PHF20: variants seen among roughly 807,000 people sequenced by gnomAD.
PHF20 encodes the protein glioma-expressed antigen 2.
PHF20 carries 23 observed loss-of-function variants against 113.5 expected under a neutral mutation model. That is an observed-to-expected ratio of 0.20 (90% confidence interval 0.15 to 0.29). The LOEUF (loss-of-function observed/expected upper bound fraction) is 0.29. Ranked by LOEUF, PHF20 falls within the 10% of genes least tolerant of loss-of-function variation. PHF20 has a pLI of 1.00. For synonymous variants in PHF20, 434 were observed against 457.3 expected, an observed-to-expected ratio of 0.95 and a Z score of 0.65; for missense variants, 943 against 1,219.6, an observed-to-expected ratio of 0.77 and a Z score of 3.38.
chr20:35,887,184 A>G (rs1276487004), intron 9 of PHF20, among the ~76,000 whole-genome samples: 2 of 152,228 alleles, frequency 1.3e-5, no homozygotes, highest in East Asian at 3.8e-4. Flanking sequence ...TAAAAGGAAA[A>G]GTATAAAACA....
intron 3 of PHF20, among the ~76,000 whole-genome samples, chr20:35,842,963 C>G (rs1004935854): frequency 5.3e-5 from 8 of 152,122 alleles, no homozygotes; most frequent in African/African-American, 1.9e-4. Context: ...GGCTGGAGTG[C>G]AGTGGTGCAG....
rs182538547 is a variant in PHF20 at position 35,912,395 on chromosome 20, A to G, written c.1562-854A>G. ...AAACTGTGAAGGGAGAAGTTTGGAC[A>G]GGGAGGATTGACATCTTAAGGAGTT... On this transcript the variant is annotated intron_variant, in intron 10 of 17. Coordinates refer to ENST00000374012, the MANE Select transcript of PHF20 (RefSeq NM_016436.5). Among the ~76,000 whole-genome samples, 10 of 152,356 alleles carry G rather than the reference A, an allele frequency of 6.6e-5. No homozygotes were observed. In the East Asian group the frequency reaches 1.7e-3, roughly 26 times the overall value.
At chr20:35,811,756 T>C (rs764156901) in intron 2 of PHF20, among the ~76,000 whole-genome samples, 1 of 148,560 alleles carries the variant, frequency 6.7e-6, no homozygotes, top group Non-Finnish European at 1.5e-5. Context: ...CTGCTTTTTA[T>C]TTATTTATTT....
intron 10 of PHF20, among the ~76,000 whole-genome samples, chr20:35,911,796 T>A (rs915567012): frequency 6.6e-6 from 1 of 151,812 alleles, no homozygotes; most frequent in South Asian, 2.1e-4. Flanking sequence ...GTAGCTGGGA[T>A]TACAGGCATC....
In PHF20 at chr20:35,863,365, GA is replaced by G; in HGVS notation, c.777del (p.Lys259AsnfsTer8). 6.2e-7 allele frequency: 1 copy of G among 1,608,070 alleles called. No individual in the cohort carries two copies. The highest frequency in any genetic ancestry group is 8.5e-7 in the Non-Finnish European group (1 of 1,178,524). The stretch of plus-strand genomic sequence containing the variant: ...CAAGAAAACTTGAGGGAACCCAAAA[GA>G]AAACGAGGCAGACCCCCTTCCATAG... The part of the protein sequence containing the change: ...SPQENLREPK[R>X]KRGRPPSIAP... On this transcript the variant is annotated frameshift_variant, in exon 6 of 18. Coordinates refer to ENST00000374012, the MANE Select transcript of PHF20 (RefSeq NM_016436.5). LOFTEE classifies it high-confidence loss of function.
rs114464058 is a variant in PHF20 at position 35,940,641 on chromosome 20, G to A, written c.2713-223G>A. Among the ~76,000 whole-genome samples, 275 of 152,338 alleles carry A rather than the reference G, an allele frequency of 1.8e-3. 1 individual carries two copies. Among genetic ancestry groups the A allele is most frequent in the African/African-American group, 6.5e-3 (271 of 41,568 alleles). On this transcript the variant is annotated intron_variant, in intron 16 of 17. Coordinates refer to ENST00000374012, the MANE Select transcript of PHF20 (RefSeq NM_016436.5). ...AGGACATTGGCCCAGTCAGTAGGAA[G>A]CAGCTGTGGGTCCCCTGAGCTAGAG...
intron 4 of PHF20, among the ~76,000 whole-genome samples, chr20:35,854,826 C>A (rs981104109): frequency 2.0e-5 from 3 of 152,074 alleles, no homozygotes; most frequent in African/African-American, 4.8e-5. Flanking sequence ...GGCTTGGATT[C>A]CAAAGATAGC....
intron 2 of PHF20, among the ~76,000 whole-genome samples, chr20:35,836,975 G>A (rs1318764716): frequency 6.6e-6 from 1 of 152,010 alleles, no homozygotes; most frequent in Non-Finnish European, 1.5e-5. Context: ...TTTGAGACCA[G>A]CCTGAGCAAC....
chr20:35,811,895 C>T (rs1322293379), intron 2 of PHF20, among the ~76,000 whole-genome samples: 4 of 152,048 alleles, frequency 2.6e-5, no homozygotes, highest in South Asian at 2.1e-4. Context: ...CTCAGCCTCC[C>T]GAGTAGCTGG....
intron 13 of PHF20, among the ~76,000 whole-genome samples, chr20:35,924,487 C>T (rs1166033023): frequency 6.6e-6 from 1 of 152,184 alleles, no homozygotes; most frequent in Middle Eastern, 3.4e-3. Context: ...AACCACTGTG[C>T]CTGGCCGCAT....
At chr20:35,855,292 G>T (rs760274992) in intron 4 of PHF20, 169 of 1,324,378 alleles carry the variant, frequency 1.3e-4, no homozygotes, top group Non-Finnish European at 1.6e-4. Context: ...GACCTTTGTT[G>T]TAAGTACTCA....
At chr20:35,838,740 G>A (rs1290042655) in intron 2 of PHF20, among the ~76,000 whole-genome samples, 1 of 151,846 alleles carries the variant, frequency 6.6e-6, no homozygotes, top group Non-Finnish European at 1.5e-5. Context: ...TGTAATCTCA[G>A]CACTTTGGGA....
intron 9 of PHF20, among the ~76,000 whole-genome samples, chr20:35,876,288 T>C (rs2054519542): frequency 6.6e-6 from 1 of 152,040 alleles, no homozygotes; most frequent in African/African-American, 2.4e-5. Flanking sequence ...CCAGAAGAGA[T>C]GGCCGGGCCT....
chr20:35,926,362 C>G (rs879553647), intron 13 of PHF20, among the ~76,000 whole-genome samples: 1 of 116,058 alleles, frequency 8.6e-6, no homozygotes, highest in Non-Finnish European at 1.9e-5. Context: ...CTCAGCCTCC[C>G]GAGTAGCTGG....
intron 13 of PHF20, among the ~76,000 whole-genome samples, chr20:35,924,856 C>T (rs533773406): frequency 2.4e-4 from 37 of 152,114 alleles, no homozygotes; most frequent in Non-Finnish European, 3.8e-4. Flanking sequence ...CCGCCTCGGC[C>T]TCCCAAAGTG....
intron 10 of PHF20, among the ~76,000 whole-genome samples, chr20:35,910,755 A>G (rs1405643523): frequency 1.3e-5 from 2 of 151,848 alleles, no homozygotes; most frequent in African/African-American, 4.8e-5. Flanking sequence ...CAGCCTCCCA[A>G]GTAGCTGGGA....
At chr20:35,785,785 G>A (rs750121087) in intron 1 of PHF20, among the ~76,000 whole-genome samples, 1 of 151,798 alleles carries the variant, frequency 6.6e-6, no homozygotes, top group Admixed American at 6.6e-5. Context: ...AGAATAGGCC[G>A]GGTGTGGTGG....
chr20:35,842,445 C>G (rs1381114383), intron 2 of PHF20, 128 bp from the exon 3 acceptor site: 14 of 764,996 alleles, frequency 1.8e-5, no homozygotes, highest in Non-Finnish European at 1.9e-5. Flanking sequence ...CCCAACTACA[C>G]AGAGTCTCTA....
intron 2 of PHF20, among the ~76,000 whole-genome samples, chr20:35,832,418 C>T (rs75138042): frequency 6.6e-6 from 1 of 152,142 alleles, no homozygotes; most frequent in East Asian, 1.9e-4. Context: ...AGACAGATGC[C>T]TCTAGCAGTG....
Sources: allele counts gnomAD v4.1 joint callset (sites outside exome capture counted in the v4.1 genomes callset), GRCh38; gene constraint gnomAD v4.1.1; transcripts MANE v1.5; gene names NCBI Gene and HGNC (gene_info 2026-07-23, HGNC 2026-07-21).